The following PLCG2 variants were observed in gnomAD, a reference collection of about 807,000 sequenced individuals.
PLCG2 encodes the protein 1-phosphatidylinositol 4,5-bisphosphate phosphodiesterase gamma-2.
A neutral mutation model predicts 175.6 loss-of-function variants in PLCG2; 69 were observed. The ratio of observed to expected loss-of-function variants is 0.39; its 90% CI spans 0.32 to 0.48. PLCG2 has a LOEUF of 0.48. PLCG2 is among the 20% of genes least tolerant of loss of function. The probability of loss-of-function intolerance (pLI) is 0.91; values close to 1 mark genes in which losing one functional copy is unlikely to be tolerated. For missense variants in PLCG2, 1,798 were observed against 1,650.9 expected (o/e 1.09, Z -1.54); for synonymous variants, 827 against 624.0 (o/e 1.33, Z -4.85).
At chr16:81,827,749 G>A (rs920525076) in intron 2 of PLCG2, among the ~76,000 whole-genome samples, 1 of 152,030 alleles carries the variant, frequency 6.6e-6, no homozygotes, top group African/African-American at 2.4e-5. Flanking sequence ...CCACAGATCT[G>A]CAGTTGGAAA....
intron 3 of PLCG2, among the ~76,000 whole-genome samples, chr16:81,857,095 A>T (rs1325494231): frequency 1.4e-5 from 1 of 74,008 alleles, no homozygotes; most frequent in Non-Finnish European, 3.8e-5. Context: ...TTAAGTCACT[A>T]AGTTTGTGGT....
intron 24 of PLCG2, among the ~76,000 whole-genome samples, chr16:81,929,687 T>G (rs1597139193): frequency 6.6e-6 from 1 of 152,218 alleles, no homozygotes; most frequent in African/African-American, 2.4e-5. Context: ...TGTGCCACCA[T>G]GCCCAGCCTG....
chr16:81,778,045 A>ACCAAACAAACAAAC (rs1910510296), upstream of PLCG2, among the ~76,000 whole-genome samples: 1 of 77,906 alleles, frequency 1.3e-5, no homozygotes, highest in African/African-American at 6.0e-5. Flanking sequence ...AAAAAAAACA[A>ACCAAACAAACAAAC]AAAAAAAAAC....
intron 7 of PLCG2, among the ~76,000 whole-genome samples, chr16:81,873,745 C>T (rs1180647581): frequency 3.3e-5 from 5 of 152,028 alleles, no homozygotes; most frequent in Non-Finnish European, 5.9e-5. Flanking sequence ...GCCTGGGCAA[C>T]ATAGTGAGAC....
chr16:81,745,476 C>G (rs1425709942), intron 1 of PLCG2, among the ~76,000 whole-genome samples: 1 of 152,204 alleles, frequency 6.6e-6, no homozygotes, highest in African/African-American at 2.4e-5. Flanking sequence ...ACATATTTAA[C>G]AACCGAGATA....
intron 2 of PLCG2, among the ~76,000 whole-genome samples, chr16:81,769,242 A>G (rs1253877810): frequency 6.6e-6 from 1 of 152,174 alleles, no homozygotes; most frequent in African/African-American, 2.4e-5. Flanking sequence ...ATTACGTCTA[A>G]TATCTTCCTG....
chr16:81,942,923 T>TTTA (rs1567543897), intron 30 of PLCG2, among the ~76,000 whole-genome samples: 15 of 151,204 alleles, frequency 9.9e-5, no homozygotes, highest in Non-Finnish European at 1.8e-4. Context: ...CAATTATTTT[T>TTTA]TTTTTTTTTA....
rs529984601 is a variant in PLCG2 at position 81,797,989 on chromosome 16, C to A, written c.193+11807C>A. On this transcript the variant is annotated intron_variant, in intron 2 of 32. Transcript: ENST00000564138. The stretch of plus-strand genomic sequence containing the variant: ...GGGATTACAGGTACCCTCCACCTCA[C>A]CTGGCTAATTTTTGTATTTTTAGTA... Among the ~76,000 whole-genome samples, 17 of 152,214 alleles carry A rather than the reference C, an allele frequency of 1.1e-4. No homozygotes were observed. The South Asian group carries it at 3.1e-3, about 28-fold the overall frequency.
At chr16:81,903,603 T>G (rs1909242106) in intron 14 of PLCG2, among the ~76,000 whole-genome samples, 2 of 152,184 alleles carry the variant, frequency 1.3e-5, no homozygotes, top group Admixed American at 1.3e-4. Flanking sequence ...GGCAGTTGTT[T>G]CGGAGATGCC....
upstream of PLCG2, among the ~76,000 whole-genome samples, chr16:81,778,062 A>AAT (rs775915700): frequency 0.075 from 8,429 of 112,526 alleles, 658 homozygotes; most frequent in South Asian, 0.19. Flanking sequence ...AAACAAAAAA[A>AAT]ACCAAAAACA....
chr16:81,953,387 T>A (rs926203404), intron 31 of PLCG2, among the ~76,000 whole-genome samples: 6 of 152,092 alleles, frequency 3.9e-5, no homozygotes, highest in African/African-American at 1.4e-4. Flanking sequence ...TTGGGGTATG[T>A]GAGAACATTG....
intron 5 of PLCG2, among the ~76,000 whole-genome samples, chr16:81,865,070 G>C (rs1298449534): frequency 6.6e-6 from 1 of 152,192 alleles, no homozygotes; most frequent in Non-Finnish European, 1.5e-5. Context: ...AGCTGGAACA[G>C]GCAGCTGGGG....
intron 2 of PLCG2, among the ~76,000 whole-genome samples, chr16:81,763,148 GA>G (rs1910075343): frequency 6.6e-6 from 1 of 152,172 alleles, no homozygotes; most frequent in African/African-American, 2.4e-5. Context: ...GACTGAAGAA[GA>G]GGCCTTACAG....
At chr16:81,787,599 C>A (rs908149115) in intron 2 of PLCG2, among the ~76,000 whole-genome samples, 6 of 150,874 alleles carry the variant, frequency 4.0e-5, no homozygotes, top group African/African-American at 1.2e-4. Flanking sequence ...TAGAATTCAC[C>A]CATTGTATGC....
At chr16:81,839,187 T>G (rs548356059) in intron 2 of PLCG2, among the ~76,000 whole-genome samples, 20 of 152,334 alleles carry the variant, frequency 1.3e-4, no homozygotes, top group African/African-American at 4.3e-4. Flanking sequence ...ATACATCAGT[T>G]CAGGTGAAAA....
Position 81,938,824 on chromosome 16 carries a change from C to G in PLCG2, c.3222C>G (p.Pro1074=). The change falls in exon 29 of 33, where the codon CCC becomes CCG. Residue 1074 remains proline (P), a synonymous_variant. Transcript: ENST00000564138. ...TVKVLGARHL[P]KLGRSIACPF... ...AGGTTCTCGGTGCTCGCCATCTCCC[C>G]AAACTTGGACGAAGTATTGCCTGTC... The G allele has an allele frequency of 6.2e-7, 1 of 1,605,600 alleles. No homozygotes were observed. The highest frequency in any genetic ancestry group is 8.5e-7 in the Non-Finnish European group (1 of 1,175,616).
intron 2 of PLCG2, among the ~76,000 whole-genome samples, chr16:81,805,137 A>T (rs182874777): frequency 2.0e-5 from 3 of 152,276 alleles, no homozygotes; most frequent in Admixed American, 2.0e-4. Context: ...CAAGCCACAG[A>T]TAGGGGAAAA....
At chr16:81,790,607 G>T (rs1911188295) in intron 2 of PLCG2, among the ~76,000 whole-genome samples, 1 of 152,188 alleles carries the variant, frequency 6.6e-6, no homozygotes, top group Non-Finnish European at 1.5e-5. Context: ...GTCTGCAGGG[G>T]CAGGTGCACA....
At chr16:81,753,577 C>G (rs751595921) in intron 1 of PLCG2, among the ~76,000 whole-genome samples, 1 of 152,018 alleles carries the variant, frequency 6.6e-6, no homozygotes, top group Non-Finnish European at 1.5e-5. Context: ...CATTACCACG[C>G]CCAGCTAATT....
Sources: allele counts gnomAD v4.1 joint callset (sites outside exome capture counted in the v4.1 genomes callset), GRCh38; gene constraint gnomAD v4.1.1; transcripts MANE v1.5; gene names NCBI Gene and HGNC (gene_info 2026-07-23, HGNC 2026-07-21).